NEDD8: variants seen among roughly 807,000 people sequenced by gnomAD.
NEDD8 encodes the protein ubiquitin-like protein NEDD8.
Under a neutral mutation model 13.8 loss-of-function variants are expected in NEDD8, and 1 was observed. That is an observed-to-expected ratio of 0.07 (90% CI 0.03 to 0.34). The LOEUF is 0.34. NEDD8 is among the 10% of genes least tolerant of loss of function. The pLI, the probability that NEDD8 is intolerant of heterozygous loss-of-function variation, is 0.99. For synonymous variants in NEDD8, 31 were observed against 33.2 expected, an observed-to-expected ratio of 0.93 and a Z score of 0.23; for missense variants, 10 against 95.2, an observed-to-expected ratio of 0.10 and a Z score of 3.73.
chr14:24,225,837 G>A lies in NEDD8; in HGVS notation c.18+6413C>T, dbSNP rs760817331. Among the ~76,000 whole-genome samples, 2 of 152,198 alleles carry A rather than the reference G, an allele frequency of 1.3e-5. 1 individual carries two copies. Among genetic ancestry groups the A allele is most frequent in the African/African-American group, 4.8e-5 (2 of 41,544 alleles). ...GCGGATCACCTGAGGTCAGGAGTTC[G>A]AGGCCAGCCTGGATAACATGATGAA... On this transcript the variant is annotated intron_variant, in intron 1 of 3. Coordinates refer to ENST00000250495, the MANE Select transcript of NEDD8 (RefSeq NM_006156.3).
intron 1 of NEDD8, among the ~76,000 whole-genome samples, chr14:24,225,725 A>G (rs552866525): frequency 6.6e-6 from 1 of 152,330 alleles, no homozygotes; most frequent in East Asian, 1.9e-4. Flanking sequence ...CAATACATTC[A>G]ATGCTATTTA....
intron 1 of NEDD8, among the ~76,000 whole-genome samples, chr14:24,219,957 T>C (rs895934095): frequency 3.9e-5 from 6 of 152,166 alleles, no homozygotes; most frequent in Non-Finnish European, 8.8e-5. Flanking sequence ...CTGGCCAACA[T>C]GGAGAAAGCC....
intron 1 of NEDD8, among the ~76,000 whole-genome samples, chr14:24,221,707 C>G (rs967437450): frequency 6.6e-6 from 1 of 152,186 alleles, no homozygotes; most frequent in South Asian, 2.1e-4. Context: ...AAGCAATTCT[C>G]CTATCTCAGC....
Position 24,227,376 on chromosome 14 carries a change from C to T in NEDD8, c.18+4874G>A, listed in dbSNP as rs562929794. ...AAAAGAAGCTAAAGGAAGACCTGCA[C>T]ATTATGGTTTTGTACGTCATGTCTT... On this transcript the variant is annotated intron_variant, in intron 1 of 3. Transcript: ENST00000250495. 2.0e-5 allele frequency: 3 copies of T among 152,250 alleles called. No homozygotes were observed. In the South Asian group the frequency reaches 6.2e-4, roughly 32 times the overall value. The allele number at this position is 152,250 out of a possible 1,614,324, so 9.4% of individuals were successfully genotyped here.
At chr14:24,220,936 A>G (rs927247791) in intron 1 of NEDD8, among the ~76,000 whole-genome samples, 2 of 152,234 alleles carry the variant, frequency 1.3e-5, no homozygotes, top group Non-Finnish European at 2.9e-5. Flanking sequence ...TTCACATAGA[A>G]CAGCACGAAA....
chr14:24,229,876 T>A (rs2039960858), intron 1 of NEDD8, among the ~76,000 whole-genome samples: 1 of 151,958 alleles, frequency 6.6e-6, no homozygotes, highest in Non-Finnish European at 1.5e-5. Context: ...ATCGATACCA[T>A]CCTGGCCAAC....
chr14:24,221,832 G>A (rs763007531), intron 1 of NEDD8, among the ~76,000 whole-genome samples: 27 of 152,076 alleles, frequency 1.8e-4, no homozygotes, highest in Non-Finnish European at 3.4e-4. Flanking sequence ...CCGACCTCAG[G>A]TGATCTGCCT....
At chr14:24,217,580 G>A (rs950479572) in intron 3 of NEDD8, 10 of 205,774 alleles carry the variant, frequency 4.9e-5, no homozygotes, top group African/African-American at 7.1e-5. Flanking sequence ...GTGAGCCACT[G>A]CGCCCGGCCA....
chr14:24,231,311 G>C (rs1313467578), intron 1 of NEDD8, among the ~76,000 whole-genome samples: 1 of 152,102 alleles, frequency 6.6e-6, no homozygotes, highest in African/African-American at 2.4e-5. Flanking sequence ...TTTAATACTA[G>C]ACCTCAAATC....
chr14:24,217,678 C>G (rs1276560825), intron 3 of NEDD8: 1 of 167,482 alleles, frequency 6.0e-6, no homozygotes, highest in Non-Finnish European at 1.3e-5. Context: ...TTTACTAACC[C>G]CCAACTGAAA....
intron 1 of NEDD8, among the ~76,000 whole-genome samples, chr14:24,220,413 C>T (rs1212357549): frequency 6.6e-6 from 1 of 152,164 alleles, no homozygotes. Flanking sequence ...CCTTGACCTC[C>T]TGGGTTCAAA....
chr14:24,225,892 TTA>T (rs2039882689), intron 1 of NEDD8, among the ~76,000 whole-genome samples: 1 of 151,728 alleles, frequency 6.6e-6, no homozygotes, highest in South Asian at 2.1e-4. Context: ...TACAAAAAAA[TTA>T]GCTGGGTGTG....
intron 1 of NEDD8, 31 bp downstream of exon 1, chr14:24,232,219 T>C (rs1034974723): frequency 1.2e-6 from 2 of 1,613,980 alleles, no homozygotes; most frequent in Non-Finnish European, 1.7e-6. Flanking sequence ...CCAGTACTAC[T>C]GCGTCTTGGC....
At position 24,216,927 on chromosome 14, in the gene NEDD8, T is replaced by G. The variant is rs1450488047; in HGVS notation, c.*200A>C. On this transcript the variant is annotated 3_prime_UTR_variant, in exon 4 of 4. Transcript: ENST00000250495. Reference sequence around the variant, plus strand: ...CATAAGAGAGGGAAGCACACAGGACTGCAAACTAACACCCAGTAGCCAGCA... The same window carrying G: ...CATAAGAGAGGGAAGCACACAGGACGGCAAACTAACACCCAGTAGCCAGCA... 1 of 576,912 alleles carries G rather than the reference T, an allele frequency of 1.7e-6. No homozygotes were observed. Among genetic ancestry groups the G allele is most frequent in the Non-Finnish European group, 3.1e-6 (1 of 318,676 alleles). 35.7% of individuals were successfully genotyped at this position (576,912 alleles called of 1,614,324 possible). A position where few individuals can be genotyped will look rare whatever the true frequency, so the allele number is the denominator to read the frequency against.
intron 1 of NEDD8, chr14:24,232,031 G>C: frequency 1.6e-6 from 1 of 634,758 alleles, no homozygotes; most frequent in Non-Finnish European, 2.6e-6. Context: ...AAAAAAGCAG[G>C]CATGGCAAAA....
At chr14:24,228,703 G>C (rs946625737) in intron 1 of NEDD8, 1 of 108,898 alleles carries the variant, frequency 9.2e-6, no homozygotes, top group Non-Finnish European at 1.7e-5. Flanking sequence ...CTGGGCGACA[G>C]AGTGAGAACC....
At chr14:24,226,801 A>G (rs181523494) in intron 1 of NEDD8, 3 of 152,340 alleles carry the variant, frequency 2.0e-5, no homozygotes, top group African/African-American at 7.2e-5. Context: ...AGTTACATAT[A>G]TCTACCACAT....
rs147656745 is a variant in NEDD8, at chr14:24,219,301, AAACAAC to A, written c.19-876_19-871del. ...ACACAGCGAAACCCTGTCTCAACCAAAACAACAACAACAACAACAACAACAACAAAA... is the reference window on the plus strand; with the variant it reads ...ACACAGCGAAACCCTGTCTCAACCAAAACAACAACAACAACAACAACAAAA... On this transcript the variant is annotated intron_variant, in intron 1 of 3. Transcript: ENST00000250495. 4.3e-3 allele frequency among the ~76,000 whole-genome samples: 633 copies of A among 148,798 alleles called. 3 individuals are homozygous for A. Among genetic ancestry groups the A allele is most frequent in the Non-Finnish European group, 6.3e-3 (423 of 67,494 alleles).
chr14:24,222,905 G>A (rs146222500), intron 1 of NEDD8, among the ~76,000 whole-genome samples: 3,024 of 151,914 alleles, frequency 0.02, 91 homozygotes, highest in African/African-American at 0.067. Flanking sequence ...GGCCAACACA[G>A]TGAAACCCCA....
Sources: allele counts gnomAD v4.1 joint callset (sites outside exome capture counted in the v4.1 genomes callset), GRCh38; gene constraint gnomAD v4.1.1; transcripts MANE v1.5; gene names NCBI Gene and HGNC (gene_info 2026-07-23, HGNC 2026-07-21).